The following AKAP9 variants were observed in gnomAD, a reference collection of about 807,000 sequenced individuals.
AKAP9 encodes A-kinase anchoring protein 9.
In AKAP9, 311 loss-of-function variants were observed where a neutral mutation model predicts 488.5. The observed-to-expected ratio is 0.64, with a 90% confidence interval of 0.58 to 0.70. The LOEUF is 0.70. AKAP9 is among the 30% of genes least tolerant of loss of function. The pLI is 0.00. For missense variants in AKAP9, 4,215 were observed against 4,374.5 expected (o/e 0.96, Z 1.03); for synonymous variants, 1,462 against 1,483.5 (o/e 0.99, Z 0.33).
intron 28 of AKAP9, among the ~76,000 whole-genome samples, chr7:92,073,459 T>A (rs1812067250): frequency 6.6e-6 from 1 of 151,046 alleles, no homozygotes; most frequent in South Asian, 2.1e-4. Flanking sequence ...TGAGCCAAGA[T>A]CACGCCACTG....
chr7:92,075,734 T>G (rs1365667236), intron 28 of AKAP9, among the ~76,000 whole-genome samples: 2 of 152,256 alleles, frequency 1.3e-5, no homozygotes, highest in Non-Finnish European at 2.9e-5. Flanking sequence ...TAAAGCACTT[T>G]GTGCAGTGCT....
At chr7:92,010,933 A>G (rs1323575807) in intron 8 of AKAP9, among the ~76,000 whole-genome samples, 2 of 152,182 alleles carry the variant, frequency 1.3e-5, no homozygotes, top group Non-Finnish European at 2.9e-5. Flanking sequence ...GATTATAAGT[A>G]CAAGTTACTG....
chr7:91,957,536 A>G (rs1273315671), intron 1 of AKAP9, among the ~76,000 whole-genome samples: 1 of 152,192 alleles, frequency 6.6e-6, no homozygotes, highest in African/African-American at 2.4e-5. Context: ...TGGAATCACA[A>G]AGGAACAAGA....
At chr7:92,102,874 G>C (rs775695322) in intron 46 of AKAP9, 48 bp downstream of exon 46, 1 of 1,485,440 alleles carries the variant, frequency 6.7e-7, no homozygotes, top group South Asian at 1.1e-5. Context: ...TCTCTAAAAG[G>C]ATTAGTTATT....
intron 38 of AKAP9, 115 bp from the exon 39 acceptor site, chr7:92,092,982 C>A: frequency 1.1e-6 from 1 of 910,664 alleles, no homozygotes; most frequent in Non-Finnish European, 1.7e-6. Flanking sequence ...TATAATTTTT[C>A]ATGTTTCCTT....
intron 12 of AKAP9, among the ~76,000 whole-genome samples, chr7:92,018,395 A>AACACACACACACACACAC (rs56394853): frequency 8.0e-4 from 96 of 120,676 alleles, no homozygotes; most frequent in East Asian, 1.9e-3. Context: ...CTAAAAATAT[A>AACACACACACACACACAC]ACACACACAC....
At chr7:92,015,299 C>T (rs4729018) in intron 10 of AKAP9, among the ~76,000 whole-genome samples, 86,646 of 151,622 alleles carry the variant, frequency 0.57, 26,057 homozygotes, top group African/African-American at 0.78. Context: ...ACCGGAACAA[C>T]GCGTCAAATA....
At chr7:92,101,162 C>G in intron 45 of AKAP9, 106 bp downstream of exon 45, 1 of 1,072,262 alleles carries the variant, frequency 9.3e-7, no homozygotes, top group Non-Finnish European at 1.3e-6. Flanking sequence ...TAGGGCCTGG[C>G]ACAGTGGTTC....
intron 21 of AKAP9, among the ~76,000 whole-genome samples, chr7:92,049,439 A>G (rs1296371269): frequency 6.6e-6 from 1 of 151,920 alleles, no homozygotes; most frequent in Non-Finnish European, 1.5e-5. Context: ...GTGAAACCCC[A>G]TCTCTACTAA....
At chr7:91,978,288 G>T (rs77320407) in intron 2 of AKAP9, among the ~76,000 whole-genome samples, 1,576 of 151,206 alleles carry the variant, frequency 0.01, 26 homozygotes, top group African/African-American at 0.036. Flanking sequence ...AGGAACCACT[G>T]TTAATAGGAT....
intron 1 of AKAP9, among the ~76,000 whole-genome samples, chr7:91,941,882 T>TTGTGTGTGTGTG (rs10700954): frequency 0.015 from 2,174 of 147,788 alleles, 24 homozygotes; most frequent in Non-Finnish European, 0.02. Context: ...CGAATCCTGG[T>TTGTGTGTGTGTG]TGTGTGTGTG....
intron 1 of AKAP9, among the ~76,000 whole-genome samples, chr7:91,942,347 G>A (rs1032868114): frequency 5.9e-5 from 9 of 152,190 alleles, no homozygotes; most frequent in Non-Finnish European, 1.3e-4. Flanking sequence ...CTAAAATATA[G>A]TTGACTTTCC....
intron 8 of AKAP9, 36 bp downstream of exon 8, chr7:92,003,271 GA>G (rs1489450033): frequency 6.8e-7 from 1 of 1,467,636 alleles, no homozygotes; most frequent in Non-Finnish European, 9.5e-7. Flanking sequence ...AAAGCACAAT[GA>G]AAAAAATGTA....
intron 1 of AKAP9, among the ~76,000 whole-genome samples, chr7:91,955,523 A>G (rs1449670348): frequency 6.6e-6 from 1 of 152,196 alleles, no homozygotes; most frequent in Non-Finnish European, 1.5e-5. Context: ...CTTGAACTTA[A>G]TGGTATCATA....
At chr7:92,014,178 C>T in intron 9 of AKAP9, 71 bp from the exon 10 acceptor site, 1 of 1,081,078 alleles carries the variant, frequency 9.3e-7, no homozygotes, top group Admixed American at 1.8e-5. Context: ...CCAGTTGAAA[C>T]ATAAGTTAAA....
At chr7:92,015,541 T>G (rs1162070386) in intron 10 of AKAP9, among the ~76,000 whole-genome samples, 1 of 151,898 alleles carries the variant, frequency 6.6e-6, no homozygotes, top group Non-Finnish European at 1.5e-5. Context: ...TTTTTGTATT[T>G]TTAGTAGAGA....
intron 1 of AKAP9, among the ~76,000 whole-genome samples, chr7:91,953,092 C>T (rs1051367004): frequency 1.2e-4 from 18 of 152,120 alleles, no homozygotes; most frequent in African/African-American, 3.9e-4. Flanking sequence ...AAACCATTTA[C>T]GAGGCTGTTG....
At chr7:91,957,654 A>G (rs1234315717) in intron 1 of AKAP9, among the ~76,000 whole-genome samples, 3 of 152,156 alleles carry the variant, frequency 2.0e-5, no homozygotes, top group East Asian at 1.9e-4. Context: ...CTTTATATAT[A>G]TTATCCTCTG....
chr7:92,049,704 G>A (rs559229348), intron 21 of AKAP9, among the ~76,000 whole-genome samples: 2 of 151,660 alleles, frequency 1.3e-5, no homozygotes, highest in African/African-American at 4.8e-5. Context: ...TTTAAATTTG[G>A]TTTTTTCTTG....
Sources: gnomAD v4.1 joint callset for allele counts (sites outside exome capture counted in the v4.1 genomes callset) on GRCh38, gnomAD v4.1.1 for gene constraint, MANE v1.5 for transcripts, NCBI Gene and HGNC (gene_info 2026-07-23, HGNC 2026-07-21) for gene names.